Variants in USP31 observed in about 807,000 individuals in gnomAD.
USP31 encodes ubiquitin carboxyl-terminal hydrolase 31.
USP31 carries 44 observed loss-of-function variants against 119.4 expected under a neutral mutation model. The observed-to-expected ratio is 0.37, with a 90% CI of 0.29 to 0.47. The LOEUF (loss-of-function observed/expected upper bound fraction) is 0.47. Ranked by LOEUF, USP31 falls within the 20% of genes least tolerant of loss-of-function variation. The probability of loss-of-function intolerance (pLI) is 0.99; values close to 1 mark genes in which losing one functional copy is unlikely to be tolerated. For synonymous variants in USP31, 749 were observed against 705.6 expected (o/e 1.06, Z -0.97); for missense variants, 1,643 against 1,730.2 (o/e 0.95, Z 0.89).
Position 23,108,142 on chromosome 16 carries a change from G to A in USP31, c.675C>T (p.Ser225=). 1.2e-6 allele frequency: 2 copies of A among 1,613,810 alleles called. No individual in the cohort carries two copies. Among genetic ancestry groups the A allele is most frequent in the Non-Finnish European group, 1.7e-6 (2 of 1,179,882 alleles). ...SKNALQYRGN[S]QHDAQEFLLW... ...GCAGAAACTCCTGGGCATCATGTTG[G>A]GAATTTCCCCGGTACTGCAGTGCAT... The change falls in exon 2 of 16, where the codon TCC becomes TCT. Residue 225 remains serine, a synonymous_variant. Coordinates refer to ENST00000219689, the MANE Select transcript of USP31 (RefSeq NM_020718.4).
rs1899836897 is a variant in USP31 at position 23,061,679 on chromosome 16, T to G, written c.*6367A>C. 1.3e-5 allele frequency: 2 copies of G among 152,646 alleles called. No homozygotes were observed. The highest frequency in any genetic ancestry group is 4.8e-5 in the African/African-American group (2 of 41,474). 9.5% of individuals were successfully genotyped at this position (152,646 alleles called of 1,614,324 possible). A position where few individuals can be genotyped will look rare whatever the true frequency, so the allele number is the denominator to read the frequency against. ...CTTCCAGCCTCTAGGAAAGACATCC[T>G]GCCTTCCATATTACTGTACAACTGA... is the stretch of plus-strand genomic sequence containing the variant. On this transcript the variant is annotated 3_prime_UTR_variant, in exon 16 of 16. Transcript: ENST00000219689.
chr16:23,073,052 G>A (rs942395423), intron 14 of USP31, among the ~76,000 whole-genome samples: 1 of 152,138 alleles, frequency 6.6e-6, no homozygotes, highest in Non-Finnish European at 1.5e-5. Context: ...CTCTCTTGAA[G>A]TCAAACTCTG....
intron 1 of USP31, among the ~76,000 whole-genome samples, chr16:23,120,001 C>CA (rs555701238): frequency 6.9e-4 from 105 of 152,300 alleles, no homozygotes; most frequent in Non-Finnish European, 9.0e-4. Context: ...TTGCTGACTC[C>CA]AAGTTTAGAG....
At position 23,124,542 on chromosome 16, in the gene USP31, G is replaced by A. The variant is rs372622196; in HGVS notation, c.634-16359C>T. 2.6e-5 allele frequency among the ~76,000 whole-genome samples: 4 copies of A among 152,258 alleles called. No individual in the cohort carries two copies. The East Asian group carries it at 7.7e-4, about 29-fold the overall frequency. On this transcript the variant is annotated intron_variant, in intron 1 of 15. Coordinates refer to ENST00000219689, the MANE Select transcript of USP31 (RefSeq NM_020718.4). ...GTGAGTCATCCAGCACTAGAACACT[G>A]GAGATATAAATAAATACCACCTCTT... is the stretch of plus-strand genomic sequence containing the variant.
intron 2 of USP31, among the ~76,000 whole-genome samples, chr16:23,107,801 A>G (rs1358607167): frequency 6.6e-6 from 1 of 152,244 alleles, no homozygotes; most frequent in Non-Finnish European, 1.5e-5. Context: ...TCTGAAGCTC[A>G]TCATACATGC....
At chr16:23,073,982 C>T (rs753125879) in intron 13 of USP31, 102 bp from the exon 14 acceptor site, 35 of 1,505,632 alleles carry the variant, frequency 2.3e-5, no homozygotes, top group East Asian at 6.9e-5. Context: ...AACTCAAGAA[C>T]GTTTTAAGGC....
chr16:23,113,788 C>T (rs1902398668), intron 1 of USP31, among the ~76,000 whole-genome samples: 1 of 152,064 alleles, frequency 6.6e-6, no homozygotes, highest in South Asian at 2.1e-4. Flanking sequence ...GAAGAGCTAA[C>T]AGAAAGGAGA....
chr16:23,106,791 C>A (rs1373773919), intron 2 of USP31, among the ~76,000 whole-genome samples: 6 of 152,118 alleles, frequency 3.9e-5, no homozygotes, highest in African/African-American at 1.2e-4. Flanking sequence ...CCAATCTCCT[C>A]TAATAAGTAA....
intron 11 of USP31, among the ~76,000 whole-genome samples, chr16:23,083,767 C>A (rs1900958554): frequency 7.6e-6 from 1 of 131,808 alleles, no homozygotes. Context: ...AAGAAACTAG[C>A]TAAAAACAGT....
rs151135337 is a variant in USP31 at position 23,115,099 on chromosome 16, A to G, written c.634-6916T>C. On this transcript the variant is annotated intron_variant, in intron 1 of 15. Transcript: ENST00000219689. The stretch of plus-strand genomic sequence containing the variant: ...GAATCCTGGTTCATCAAATGAGCAG[A>G]TAAGACCCCTGCATCCCAAATCTTC... 8.5e-4 allele frequency among the ~76,000 whole-genome samples: 129 copies of G among 152,332 alleles called. 1 individual carries two copies. Among genetic ancestry groups the G allele is most frequent in the African/African-American group, 2.8e-3 (118 of 41,560 alleles).
rs909617467 is a variant in USP31 at position 23,061,673 on chromosome 16, A to G, written c.*6373T>C. 1.3e-5 allele frequency: 2 copies of G among 152,638 alleles called. No homozygotes were observed. The highest frequency in any genetic ancestry group is 2.9e-5 in the Non-Finnish European group (2 of 68,050). The allele number at this position is 152,638 out of a possible 1,614,324, so 9.5% of individuals were successfully genotyped here. A position where few individuals can be genotyped will look rare whatever the true frequency, so the allele number is the denominator to read the frequency against. On this transcript the variant is annotated 3_prime_UTR_variant, in exon 16 of 16. Coordinates refer to ENST00000219689, the MANE Select transcript of USP31 (RefSeq NM_020718.4). ...ACTTTTCTTCCAGCCTCTAGGAAAG[A>G]CATCCTGCCTTCCATATTACTGTAC...
chr16:23,089,923 A>G (rs946476842), intron 7 of USP31, among the ~76,000 whole-genome samples: 1 of 152,210 alleles, frequency 6.6e-6, no homozygotes, highest in Non-Finnish European at 1.5e-5. Context: ...GACATAAGAC[A>G]TAAGTTCAAT....
intron 1 of USP31, among the ~76,000 whole-genome samples, chr16:23,119,226 G>A (rs1311759474): frequency 6.6e-6 from 1 of 151,486 alleles, no homozygotes; most frequent in East Asian, 2.0e-4. Flanking sequence ...AGCCTCCCAA[G>A]CAGCTGGGAT....
In USP31 at chr16:23,068,857, C is replaced by T; in HGVS notation, c.3248G>A (p.Gly1083Asp). 6.3e-7 allele frequency: 1 copy of T among 1,577,752 alleles called. No homozygotes were observed. ...SRSKADSSSR[G>D]SGRHSSPAPA... ...GGCAGGGGATGAATGCCGTCCACTG[C>T]CCCTGGAAGAAGAATCTGCTTTGCT... The change falls in exon 16 of 16, where the codon GGC becomes GAC. Residue 1083 changes from glycine to aspartate, a missense_variant. Physicochemically the swap from Gly to Asp is moderately conservative, Grantham distance 94. Around this residue, in one of 5 missense-constraint regions of USP31, gnomAD observed 699 missense variants for 650.9 expected, o/e 1.07. Transcript: ENST00000219689.
chr16:23,062,919 A>G lies in USP31; in HGVS notation c.*5127T>C, dbSNP rs1899906697. The G allele has an allele frequency of 6.5e-6, 1 of 152,766 alleles. No homozygotes were observed. The highest frequency in any genetic ancestry group is 2.4e-5 in the African/African-American group (1 of 41,560). The allele number at this position is 152,766 out of a possible 1,614,324, so 9.5% of individuals were successfully genotyped here. A position where few individuals can be genotyped will look rare whatever the true frequency, so the allele number is the denominator to read the frequency against. On this transcript the variant is annotated 3_prime_UTR_variant, in exon 16 of 16. Coordinates refer to ENST00000219689, the MANE Select transcript of USP31 (RefSeq NM_020718.4). ...CTCCTGAGTAATTCAAATGGCAGTG[A>G]TTCTCGCCATAATTCTCAGTAAAGG...
chr16:23,084,731 T>C (rs1043011489), intron 11 of USP31, 129 bp downstream of exon 11: 7 of 1,206,354 alleles, frequency 5.8e-6, no homozygotes, highest in Non-Finnish European at 8.1e-6. Flanking sequence ...GCTCATTACA[T>C]GTGCAGACTT....
intron 7 of USP31, 67 bp downstream of exon 7, chr16:23,090,557 T>C (rs1901311328): frequency 2.8e-6 from 4 of 1,425,018 alleles, no homozygotes; most frequent in Non-Finnish European, 3.7e-6. Flanking sequence ...CCCATGCTTT[T>C]TAACATGTTT....
chr16:23,081,153 G>C (rs1900803988), intron 12 of USP31, among the ~76,000 whole-genome samples: 1 of 152,166 alleles, frequency 6.6e-6, no homozygotes, highest in African/African-American at 2.4e-5. Context: ...AGATGAGAGG[G>C]ACAAGAAAGA....
chr16:23,069,845 G>A (rs527717025), intron 15 of USP31, among the ~76,000 whole-genome samples: 3 of 152,294 alleles, frequency 2.0e-5, no homozygotes, highest in East Asian at 3.9e-4. Flanking sequence ...TTCTAACACA[G>A]CAAACTTCTA....
Sources: allele counts gnomAD v4.1 joint callset (sites outside exome capture counted in the v4.1 genomes callset), GRCh38; gene constraint gnomAD v4.1.1; regional missense constraint gnomAD v4.1.1; transcripts MANE v1.5; gene names NCBI Gene and HGNC (gene_info 2026-07-23, HGNC 2026-07-21).